The following HOXD3 variants were observed in gnomAD, a reference collection of about 807,000 sequenced individuals.
The protein encoded by HOXD3 is homeobox D3.
A neutral mutation model predicts 32.8 loss-of-function variants in HOXD3; 13 were observed. That is an observed-to-expected ratio of 0.40 (90% CI 0.26 to 0.63). The LOEUF (loss-of-function observed/expected upper bound fraction) is 0.63. Ranked by LOEUF, HOXD3 falls within the 20% of genes least tolerant of loss-of-function variation. The pLI, the probability that HOXD3 is intolerant of heterozygous loss-of-function variation, is 0.44. For synonymous variants in HOXD3, 241 were observed against 246.8 expected (o/e 0.98, Z 0.22); for missense variants, 504 against 577.1 (o/e 0.87, Z 1.30).
At chr2:176,157,507 C>A (rs1328877327) in intron 1 of HOXD3, among the ~76,000 whole-genome samples, 55 bp downstream of exon 1, 2 of 152,236 alleles carry the variant, frequency 1.3e-5, no homozygotes. Context: ...ATGAACTTAG[C>A]TGTCACGGCC....
At chr2:176,153,142 GC>G, upstream of HOXD3, 1 of 490,376 alleles carries the variant, frequency 2.0e-6, no homozygotes, top group Non-Finnish European at 3.8e-6. Context: ...GGGAGGGGGG[GC>G]GGGATTCTCT....
chr2:176,172,333 A>G lies in HOXD3; in HGVS notation c.*59A>G. ...ACCTCTCTTGCTGTAGTGGTGGGGT[A>G]GAGGGTGGGGCCCGCGGGGCAGTTC... On this transcript the variant is annotated 3_prime_UTR_variant, in exon 4 of 4. Coordinates refer to ENST00000683222, the MANE Select transcript of HOXD3 (RefSeq NM_006898.5). 1 of 1,486,194 alleles carries G rather than the reference A, an allele frequency of 6.7e-7. No homozygotes were observed. Among genetic ancestry groups the G allele is most frequent in the Non-Finnish European group, 9.0e-7 (1 of 1,108,336 alleles). 92.1% of individuals were successfully genotyped at this position (1,486,194 alleles called of 1,614,324 possible).
intron 2 of HOXD3, among the ~76,000 whole-genome samples, chr2:176,167,686 CTTTTTTTTTTTT>C (rs56761217): frequency 9.2e-5 from 10 of 108,896 alleles, no homozygotes; most frequent in East Asian, 5.4e-4. Context: ...GGGGGAGACC[CTTTTTTTTTTTT>C]TTTTTTTTTT....
At position 176,172,166 on chromosome 2, in the gene HOXD3, C is replaced by G. The variant is rs769877608; in HGVS notation, c.1191C>G (p.Gly397=). The G allele has an allele frequency of 1.9e-6, 3 of 1,613,080 alleles. No individual in the cohort carries two copies. The East Asian group carries it at 6.7e-5, about 36-fold the overall frequency. Reference sequence around the variant, plus strand: ...ACAGTTGCGCCGCGCAGATTCCAGGCAACCACCACCATGGACCTTGCGACC... The same window carrying G: ...ACAGTTGCGCCGCGCAGATTCCAGGGAACCACCACCATGGACCTTGCGACC... ...VDYSCAAQIP[G]NHHHGPCDPH... Residue 397 remains glycine, a synonymous_variant, in exon 4 of 4, where the codon GGC becomes GGG. Transcript: ENST00000683222.
rs1045881716 is a variant in HOXD3 at position 176,172,574 on chromosome 2, A to G, written c.*300A>G. ...TAATGGTGTCCCAAAGGTAAGTCTGAGACCCATCAGCGGCGCGCCCTGCAG... is the reference window on the plus strand; with the variant it reads ...TAATGGTGTCCCAAAGGTAAGTCTGGGACCCATCAGCGGCGCGCCCTGCAG... On this transcript the variant is annotated 3_prime_UTR_variant, in exon 4 of 4. Coordinates refer to ENST00000683222, the MANE Select transcript of HOXD3 (RefSeq NM_006898.5). 2.0e-5 allele frequency: 8 copies of G among 404,488 alleles called. No individual in the cohort carries two copies. Among genetic ancestry groups the G allele is most frequent in the Non-Finnish European group, 3.1e-5 (7 of 226,838 alleles). The allele number at this position is 404,488 out of a possible 1,614,324, so 25.1% of individuals were successfully genotyped here.
chr2:176,158,765 C>T (rs1471309296), intron 1 of HOXD3, among the ~76,000 whole-genome samples: 2 of 152,152 alleles, frequency 1.3e-5, no homozygotes, highest in African/African-American at 4.8e-5. Flanking sequence ...AGATTCCAGG[C>T]GCTTTCTCTG....
chr2:176,157,529 G>A (rs959267032), intron 1 of HOXD3, among the ~76,000 whole-genome samples, 77 bp downstream of exon 1: 13 of 151,762 alleles, frequency 8.6e-5, no homozygotes, highest in African/African-American at 3.1e-4. Context: ...CTGACAAATA[G>A]TTCCCTTTGC....
chr2:176,167,940 A>C (rs1003876007), intron 2 of HOXD3, among the ~76,000 whole-genome samples: 1 of 152,212 alleles, frequency 6.6e-6, no homozygotes, highest in Non-Finnish European at 1.5e-5. Context: ...TCAGCCAACA[A>C]AATGTCTGAG....
intron 3 of HOXD3, 128 bp from the exon 4 acceptor site, chr2:176,171,383 GCCCTTC>G: frequency 2.4e-6 from 2 of 818,686 alleles, no homozygotes; most frequent in Non-Finnish European, 3.7e-6. Flanking sequence ...CTCTCAAACG[GCCCTTC>G]CCCTCCCCAG....
chr2:176,153,025 G>C, upstream of HOXD3: 1 of 1,369,288 alleles, frequency 7.3e-7, no homozygotes, highest in Non-Finnish European at 1.0e-6. Context: ...CTGTCACCTC[G>C]CTGGGCTCTA....
At chr2:176,152,787 C>T (rs765307811), upstream of HOXD3, 12 of 1,614,200 alleles carry the variant, frequency 7.4e-6, no homozygotes, top group South Asian at 1.2e-4. The surrounding 1 kb of genome is among the most constrained non-coding windows in gnomAD (Gnocchi z 5.2). Context: ...GTTCCAGAAC[C>T]GGAGGATGAA....
intron 1 of HOXD3, among the ~76,000 whole-genome samples, chr2:176,162,549 G>A (rs1690841174): frequency 6.6e-6 from 1 of 152,204 alleles, no homozygotes; most frequent in African/African-American, 2.4e-5. Flanking sequence ...CAAACAAGGA[G>A]CCAAAGTTGG....
At chr2:176,164,509 C>T (rs1690901552) in intron 2 of HOXD3, 1 of 152,204 alleles carries the variant, frequency 6.6e-6, no homozygotes, top group Non-Finnish European at 1.5e-5. Context: ...GTAAAGAAGT[C>T]TCCTTTCGAG....
intron 1 of HOXD3, among the ~76,000 whole-genome samples, chr2:176,161,869 T>C (rs1444002559): frequency 6.6e-6 from 1 of 152,194 alleles, no homozygotes; most frequent in Non-Finnish European, 1.5e-5. Flanking sequence ...ACGAATCCCA[T>C]CTCTCCTTTT....
Position 176,171,495 on chromosome 2 carries a change from C to T in HOXD3, c.542-22C>T, listed in dbSNP as rs887299311. On this transcript the variant is annotated intron_variant, in intron 3 of 3. Transcript: ENST00000683222. Reference sequence around the variant, plus strand: ...TCCCCACCCACTCGCTCAGCGCCCTCCCTCTCTCCCTCCCTGCCCAGGAGA... The same window carrying T: ...TCCCCACCCACTCGCTCAGCGCCCTTCCTCTCTCCCTCCCTGCCCAGGAGA... 4.5e-6 allele frequency: 7 copies of T among 1,558,668 alleles called. No individual in the cohort carries two copies. In the African/African-American group the frequency reaches 5.4e-5, roughly 12 times the overall value.
Position 176,172,312 on chromosome 2 carries a change from C to A in HOXD3, c.*38C>A. 1 of 1,554,846 alleles carries A rather than the reference C, an allele frequency of 6.4e-7. No individual in the cohort carries two copies. The highest frequency in any genetic ancestry group is 8.7e-7 in the Non-Finnish European group (1 of 1,153,908). ...GCCCGAACTCGCGGCAAAATTACCTCTCTTGCTGTAGTGGTGGGGTAGAGG... is the reference window on the plus strand; with the variant it reads ...GCCCGAACTCGCGGCAAAATTACCTATCTTGCTGTAGTGGTGGGGTAGAGG... On this transcript the variant is annotated 3_prime_UTR_variant, in exon 4 of 4. Coordinates refer to ENST00000683222, the MANE Select transcript of HOXD3 (RefSeq NM_006898.5).
rs368322060 is a variant in HOXD3 at position 176,169,479 on chromosome 2, C to T, written c.365C>T (p.Pro122Leu). The T allele has an allele frequency of 2.0e-5, 32 of 1,613,312 alleles. No homozygotes were observed. The highest frequency in any genetic ancestry group is 2.7e-5 in the Non-Finnish European group (32 of 1,179,698). Residue 122 changes from proline (P) to leucine (L), a missense_variant, in exon 3 of 4, where the codon CCA becomes CTA. Coordinates refer to ENST00000683222, the MANE Select transcript of HOXD3 (RefSeq NM_006898.5). ...SEQQPPQPPPPPPTLPPSSPT... is the reference protein window; with the variant it reads ...SEQQPPQPPPLPPTLPPSSPT... ...CAGCAGCCACCACAACCCCCTCCTC[C>T]ACCACCGACCCTGCCCCCATCTTCA...
At chr2:176,161,453 A>G (rs756625541) in intron 1 of HOXD3, among the ~76,000 whole-genome samples, 156 of 152,316 alleles carry the variant, frequency 1.0e-3, no homozygotes, top group Non-Finnish European at 2.6e-4. Context: ...GGGCTGAAAA[A>G]GAAATTAAAA....
In HOXD3 at chr2:176,159,392, T is replaced by C. The variant is rs1265391278; in HGVS notation, c.-181+1940T>C. On this transcript the variant is annotated intron_variant, in intron 1 of 3. Coordinates refer to ENST00000683222, the MANE Select transcript of HOXD3 (RefSeq NM_006898.5). ...CTGCGCCTCTGGAGTGGGGATGCGG[T>C]GGACCTTACCCACTCCTCTGGGGCT... Among the ~76,000 whole-genome samples the C allele has an allele frequency of 5.9e-5, 9 of 152,252 alleles. No homozygotes were observed. The East Asian group carries it at 1.7e-3, about 30-fold the overall frequency.
Sources: allele counts gnomAD v4.1 joint callset (sites outside exome capture counted in the v4.1 genomes callset), GRCh38; gene constraint gnomAD v4.1.1; non-coding constraint Gnocchi (gnomAD v3.1); transcripts MANE v1.5; gene names NCBI Gene and HGNC (gene_info 2026-07-23, HGNC 2026-07-21).